ZSCAN5A: variants seen among roughly 807,000 people sequenced by gnomAD.
The protein encoded by ZSCAN5A is zinc finger and SCAN domain-containing protein 5A.
ZSCAN5A carries 12 observed loss-of-function variants against 23.7 expected under a neutral mutation model. The ratio of observed to expected loss-of-function variants is 0.51; its 90% CI spans 0.32 to 0.82. The LOEUF (loss-of-function observed/expected upper bound fraction) is 0.82. ZSCAN5A is among the 40% of genes least tolerant of loss of function. The probability of loss-of-function intolerance (pLI) is 0.03; values close to 1 mark genes in which losing one functional copy is unlikely to be tolerated. For missense variants in ZSCAN5A, 597 were observed against 617.9 expected, an observed-to-expected ratio of 0.97 and a Z score of 0.36; for synonymous variants, 257 against 239.9, an observed-to-expected ratio of 1.07 and a Z score of -0.66.
At chr19:56,328,866 G>A (rs1456926170) in intron 2 of ZSCAN5A, among the ~76,000 whole-genome samples, 3 of 150,486 alleles carry the variant, frequency 2.0e-5, no homozygotes, top group African/African-American at 7.3e-5. Context: ...ATGGTGGCGG[G>A]CATCTGTAGT....
At chr19:56,264,720 C>A (rs562889469) in intron 2 of ZSCAN5A, among the ~76,000 whole-genome samples, 1 of 152,134 alleles carries the variant, frequency 6.6e-6, no homozygotes, top group Non-Finnish European at 1.5e-5. Context: ...TGAGTAATTG[C>A]GACAGGGACC....
chr19:56,239,782 GATA>G (rs1409030142), intron 2 of ZSCAN5A, among the ~76,000 whole-genome samples: 2 of 152,070 alleles, frequency 1.3e-5, no homozygotes, highest in Non-Finnish European at 1.5e-5. Flanking sequence ...TCACTGGTTT[GATA>G]TTAATCCAAC....
intron 2 of ZSCAN5A, among the ~76,000 whole-genome samples, chr19:56,286,053 G>A (rs2039092376): frequency 6.6e-6 from 1 of 152,046 alleles, no homozygotes; most frequent in African/African-American, 2.4e-5. Context: ...ACGGAGTCTC[G>A]CTCTGTTGCC....
chr19:56,285,038 T>C (rs1600184032), intron 2 of ZSCAN5A: 17 of 985,092 alleles, frequency 1.7e-5, no homozygotes, highest in Non-Finnish European at 2.0e-5. Flanking sequence ...AGTGTCAGGA[T>C]TGTATCTTTT....
upstream of ZSCAN5A, chr19:56,315,178 A>C (rs2041279462): frequency 6.6e-6 from 1 of 152,326 alleles, no homozygotes; most frequent in Non-Finnish European, 1.5e-5. Flanking sequence ...AGACGCCGGA[A>C]GTCTGGGAAT....
intron 2 of ZSCAN5A, among the ~76,000 whole-genome samples, chr19:56,329,815 T>C (rs1468698586): frequency 2.6e-5 from 4 of 152,260 alleles, no homozygotes; most frequent in Admixed American, 6.5e-5. Context: ...TGAATGTTTT[T>C]ATTTTTAAAA....
At chr19:56,233,089 G>A (rs987158835) in intron 2 of ZSCAN5A, among the ~76,000 whole-genome samples, 1 of 152,162 alleles carries the variant, frequency 6.6e-6, no homozygotes, top group African/African-American at 2.4e-5. Flanking sequence ...TGATGTACCT[G>A]CAATGTCTAG....
intron 2 of ZSCAN5A, among the ~76,000 whole-genome samples, chr19:56,308,105 C>T (rs1269819450): frequency 2.0e-5 from 3 of 152,390 alleles, no homozygotes; most frequent in African/African-American, 7.2e-5. Context: ...GCAATCTTGG[C>T]TCACTGCAAC....
rs552630238 is a variant in ZSCAN5A at position 56,246,923 on chromosome 19, G to A, written c.-127-21750C>T. 4.7e-4 allele frequency: 757 copies of A among 1,601,568 alleles called. 1 individual carries two copies. The African/African-American group carries it at 5.4e-3, about 11-fold the overall frequency. ...GACGCCACCTCCATTTCCCAAGAAG[G>A]GCCTCAAGGAGGAGCCACACCTGTG... On this transcript the variant is annotated intron_variant, in intron 2 of 5. Coordinates refer to ENST00000683990, the MANE Select transcript of ZSCAN5A (RefSeq NM_001322064.3).
intron 2 of ZSCAN5A, among the ~76,000 whole-genome samples, chr19:56,261,815 T>G (rs1025007492): frequency 1.3e-5 from 2 of 152,202 alleles, no homozygotes; most frequent in African/African-American, 2.4e-5. Flanking sequence ...GCTATCACAA[T>G]TTTTCTTTAT....
At chr19:56,261,742 A>AT (rs530909094) in intron 2 of ZSCAN5A, among the ~76,000 whole-genome samples, 186 of 152,334 alleles carry the variant, frequency 1.2e-3, no homozygotes, top group African/African-American at 4.2e-3. Context: ...CCAAAAACTG[A>AT]TATTATTGAA....
At chr19:56,254,357 A>C (rs2036556513) in intron 2 of ZSCAN5A, among the ~76,000 whole-genome samples, 1 of 152,166 alleles carries the variant, frequency 6.6e-6, no homozygotes, top group South Asian at 2.1e-4. Flanking sequence ...TAGTTGTAAC[A>C]AATTCTAGGA....
At chr19:56,258,576 T>C (rs1434353947) in intron 2 of ZSCAN5A, among the ~76,000 whole-genome samples, 1 of 141,944 alleles carries the variant, frequency 7.0e-6, no homozygotes, top group Admixed American at 7.0e-5. Context: ...CTTTCCAGTG[T>C]AGGGGGTGAC....
intron 2 of ZSCAN5A, chr19:56,281,629 T>C (rs960535927): frequency 7.8e-6 from 7 of 895,496 alleles, no homozygotes; most frequent in Non-Finnish European, 8.0e-6. Context: ...TAATATTAAT[T>C]CCACTCTCTT....
intron 2 of ZSCAN5A, chr19:56,322,008 C>A: frequency 1.3e-6 from 1 of 778,620 alleles, no homozygotes; most frequent in Non-Finnish European, 2.4e-6. Flanking sequence ...GGTAAGTAAT[C>A]ATCTCTTTCT....
intron 2 of ZSCAN5A, among the ~76,000 whole-genome samples, chr19:56,278,305 T>C (rs545966483): frequency 2.5e-4 from 38 of 152,318 alleles, no homozygotes; most frequent in Admixed American, 2.0e-3. Context: ...GGCTAATTTT[T>C]GTATATTTAG....
At chr19:56,321,916 CTCAAT>C in intron 2 of ZSCAN5A, 1 of 782,682 alleles carries the variant, frequency 1.3e-6, no homozygotes, top group Non-Finnish European at 2.4e-6. Flanking sequence ...TCCGGTACTG[CTCAAT>C]ATCCAACTTC....
intron 2 of ZSCAN5A, among the ~76,000 whole-genome samples, chr19:56,309,807 G>A (rs577297187): frequency 9.2e-5 from 14 of 152,306 alleles, no homozygotes; most frequent in South Asian, 4.1e-4. Context: ...TGGAGGGGGC[G>A]CTGCTTCCCA....
upstream of ZSCAN5A, among the ~76,000 whole-genome samples, chr19:56,319,498 G>GAGAAAAAA (rs1555811099): frequency 3.8e-5 from 3 of 78,406 alleles, no homozygotes; most frequent in East Asian, 7.6e-4. Context: ...TCCATCTCGG[G>GAGAAAAAA]AAAAAAAAAA....
Sources: gnomAD v4.1 joint callset for allele counts (sites outside exome capture counted in the v4.1 genomes callset) on GRCh38, gnomAD v4.1.1 for gene constraint, MANE v1.5 for transcripts, NCBI Gene and HGNC (gene_info 2026-07-23, HGNC 2026-07-21) for gene names.